The following ADH7 variants were observed in gnomAD, a reference collection of about 807,000 sequenced individuals.
ADH7 encodes the protein alcohol dehydrogenase 7 (class IV), mu or sigma polypeptide.
Under a neutral mutation model 34.4 loss-of-function variants are expected in ADH7, and 41 were observed. The observed-to-expected ratio is 1.19, with a 90% CI of 0.93 to 1.55. ADH7 has a LOEUF of 1.55. ADH7 is among the 40% of genes most tolerant of loss of function. The pLI, the probability that ADH7 is intolerant of heterozygous loss-of-function variation, is 0.00. For missense variants in ADH7, 540 were observed against 461.2 expected (o/e 1.17, Z -1.56); for synonymous variants, 180 against 160.9 (o/e 1.12, Z -0.90).
At chr4:99,434,924 C>A in intron 1 of ADH7, 1 of 1,055,868 alleles carries the variant, frequency 9.5e-7, no homozygotes, top group Non-Finnish European at 1.4e-6. Context: ...GGAGCAATTG[C>A]CCAGCTATCC....
chr4:99,420,432 T>G, intron 6 of ADH7, 101 bp downstream of exon 6: 1 of 1,302,434 alleles, frequency 7.7e-7, no homozygotes, highest in South Asian at 1.4e-5. Context: ...CGCAGAGATA[T>G]TTCCATTATT....
At position 99,428,645 on chromosome 4, in the gene ADH7, A is replaced by G. The variant is rs1721872945; in HGVS notation, c.121-15T>C. On this transcript the variant is annotated splice_polypyrimidine_tract_variant and intron_variant, in intron 2 of 8. Transcript: ENST00000437033. ...GTGGCCAAAATCTGTGTTCAAAGAC[A>G]AAAACATTGCACCAATCAACAAACT... is the stretch of plus-strand genomic sequence containing the variant. 1.9e-6 allele frequency: 3 copies of G among 1,608,938 alleles called. No individual in the cohort carries two copies. In the South Asian group the frequency reaches 3.3e-5, roughly 18 times the overall value.
In ADH7 at chr4:99,412,820, T is replaced by C. The variant is rs284786; in HGVS notation, c.*328A>G. On this transcript the variant is annotated 3_prime_UTR_variant, in exon 9 of 9. Transcript: ENST00000437033. Reference sequence around the variant, plus strand: ...CTTTATACGCTATATCTGTTTTGAGTTATATATCTGCAGCAGCTGGTTAAA... The same window carrying C: ...CTTTATACGCTATATCTGTTTTGAGCTATATATCTGCAGCAGCTGGTTAAA... 2.0e-5 allele frequency: 5 copies of C among 248,312 alleles called. No individual in the cohort carries two copies. Among genetic ancestry groups the C allele is most frequent in the Admixed American group, 5.2e-5 (1 of 19,252 alleles). The allele number at this position is 248,312 out of a possible 1,614,324, so 15.4% of individuals were successfully genotyped here. A position where few individuals can be genotyped will look rare whatever the true frequency, so the allele number is the denominator to read the frequency against.
chr4:99,420,329 A>T (rs1721617523), intron 6 of ADH7, among the ~76,000 whole-genome samples: 1 of 152,166 alleles, frequency 6.6e-6, no homozygotes, highest in South Asian at 2.1e-4. Context: ...TATGGTATTT[A>T]ACTTTGGTCC....
At chr4:99,422,537 C>T (rs371475550) in intron 5 of ADH7, among the ~76,000 whole-genome samples, 10 of 149,026 alleles carry the variant, frequency 6.7e-5, no homozygotes, top group East Asian at 4.0e-4. Flanking sequence ...ACCTGGAGGA[C>T]GAGTCAACAG....
At chr4:99,429,416 A>C in intron 2 of ADH7, 116 bp downstream of exon 2, 1 of 677,598 alleles carries the variant, frequency 1.5e-6, no homozygotes, top group Non-Finnish European at 2.5e-6. Flanking sequence ...TAAAGGAATT[A>C]ATACTCCAAA....
intron 7 of ADH7, 93 bp from the exon 8 acceptor site, chr4:99,415,709 G>T: frequency 7.6e-7 from 1 of 1,314,434 alleles, no homozygotes. Flanking sequence ...CCTGCACTAT[G>T]ACTTTCCCTG....
rs762006726 is a variant in ADH7 at position 99,421,564 on chromosome 4, G to A, written c.565-771C>T. Among the ~76,000 whole-genome samples, 77 of 152,056 alleles carry A rather than the reference G, an allele frequency of 5.1e-4. 1 individual carries two copies. The highest frequency in any genetic ancestry group is 1.0e-3 in the Non-Finnish European group (68 of 68,016). On this transcript the variant is annotated intron_variant, in intron 5 of 8. Coordinates refer to ENST00000437033, the MANE Select transcript of ADH7 (RefSeq NM_000673.7). ...ATAAAAACCCTAGAAGAAAACCTAGGCAATACCATTCAGAACTTAGACATA... is the reference window on the plus strand; with the variant it reads ...ATAAAAACCCTAGAAGAAAACCTAGACAATACCATTCAGAACTTAGACATA...
chr4:99,429,368 C>T (rs947364072), intron 2 of ADH7, among the ~76,000 whole-genome samples, 164 bp downstream of exon 2: 3 of 152,116 alleles, frequency 2.0e-5, no homozygotes, highest in African/African-American at 4.8e-5. Flanking sequence ...AATTTCACAT[C>T]GAGTACAACC....
chr4:99,424,645 T>C (rs1483331802), intron 5 of ADH7, among the ~76,000 whole-genome samples: 2 of 152,218 alleles, frequency 1.3e-5, no homozygotes, highest in Admixed American at 6.5e-5. Context: ...GAAGCAATTG[T>C]GAATGGGAGT....
intron 5 of ADH7, among the ~76,000 whole-genome samples, chr4:99,424,734 A>G (rs1214700406): frequency 6.6e-6 from 1 of 152,128 alleles, no homozygotes; most frequent in African/African-American, 2.4e-5. Context: ...TTGTGTCCTG[A>G]GACTTTGCTG....
At chr4:99,424,195 G>A (rs544346915) in intron 5 of ADH7, among the ~76,000 whole-genome samples, 1 of 152,288 alleles carries the variant, frequency 6.6e-6, no homozygotes, top group South Asian at 2.1e-4. Flanking sequence ...TTGTAGATAT[G>A]TGGCGTTATT....
chr4:99,419,202 T>G, intron 6 of ADH7, 81 bp from the exon 7 acceptor site: 1 of 1,436,056 alleles, frequency 7.0e-7, no homozygotes, highest in Non-Finnish European at 9.3e-7. Context: ...CTATGTACTA[T>G]GACAAAGTCA....
chr4:99,423,525 C>A (rs1054314792), intron 5 of ADH7, among the ~76,000 whole-genome samples: 3 of 151,718 alleles, frequency 2.0e-5, no homozygotes, highest in Non-Finnish European at 4.4e-5. Context: ...TTCTCCACAT[C>A]CTCTCCAGCA....
At chr4:99,422,116 C>T (rs764633223) in intron 5 of ADH7, among the ~76,000 whole-genome samples, 41 of 152,166 alleles carry the variant, frequency 2.7e-4, no homozygotes, top group Non-Finnish European at 2.9e-4. Flanking sequence ...GGATCTAGAA[C>T]CAGAAATATC....
At chr4:99,419,337 G>C (rs1721595662) in intron 6 of ADH7, among the ~76,000 whole-genome samples, 1 of 152,164 alleles carries the variant, frequency 6.6e-6, no homozygotes, top group African/African-American at 2.4e-5. Context: ...AATGTGGTCA[G>C]TGTTTGTGGC....
At chr4:99,430,529 T>A (rs1224090032) in intron 1 of ADH7, among the ~76,000 whole-genome samples, 1 of 152,214 alleles carries the variant, frequency 6.6e-6, no homozygotes, top group Non-Finnish European at 1.5e-5. Context: ...CAAAATAAGT[T>A]ACCTTCAACT....
At chr4:99,432,968 C>A (rs1721970765) in intron 1 of ADH7, among the ~76,000 whole-genome samples, 1 of 152,140 alleles carries the variant, frequency 6.6e-6, no homozygotes, top group Non-Finnish European at 1.5e-5. Context: ...CACAAGCCAC[C>A]ATGCTCTGAA....
At chr4:99,419,445 C>A (rs1044114265) in intron 6 of ADH7, among the ~76,000 whole-genome samples, 2 of 151,930 alleles carry the variant, frequency 1.3e-5, no homozygotes, top group African/African-American at 2.4e-5. Flanking sequence ...GCCATTTGAA[C>A]CAAACTAAAT....
Sources: gnomAD v4.1 joint callset for allele counts (sites outside exome capture counted in the v4.1 genomes callset) on GRCh38, gnomAD v4.1.1 for gene constraint, MANE v1.5 for transcripts, NCBI Gene and HGNC (gene_info 2026-07-23, HGNC 2026-07-21) for gene names.